TRPM3: variants seen among roughly 807,000 people sequenced by gnomAD.
The protein encoded by TRPM3 is long transient receptor potential channel 3.
Under a neutral mutation model 181.2 loss-of-function variants are expected in TRPM3, and 77 were observed. The ratio of observed to expected loss-of-function variants is 0.42; its 90% CI spans 0.35 to 0.51. The LOEUF is 0.51. Among genes scored for constraint, TRPM3 ranks in the 20% least tolerant of loss-of-function variants. The pLI is 0.01. For missense variants in TRPM3, 1,759 were observed against 2,196.7 expected (o/e 0.80, Z 3.98); for synonymous variants, 745 against 796.4 (o/e 0.94, Z 1.09).
intron 7 of TRPM3, chr9:70,774,653 C>G (rs1279247540): frequency 6.6e-6 from 1 of 152,128 alleles, no homozygotes; most frequent in Non-Finnish European, 1.5e-5. Context: ...GCTTAAACAA[C>G]TCCAAATTTT....
rs765604393 is a variant in TRPM3, at chr9:70,797,180, C to T, written c.974-12901G>A. 4.6e-5 allele frequency among the ~76,000 whole-genome samples: 7 copies of T among 152,124 alleles called. No homozygotes were observed. In the South Asian group the frequency reaches 6.2e-4, roughly 14 times the overall value. On this transcript the variant is annotated intron_variant, in intron 6 of 25. Coordinates refer to ENST00000677713, the MANE Select transcript of TRPM3 (RefSeq NM_001366145.2). ...TTAAATGACAACGTAATTATTTCCA[C>T]GTAAATTTTAAAATTATTTATGATA...
chr9:70,899,504 T>C (rs1344652743), intron 1 of TRPM3, among the ~76,000 whole-genome samples: 1 of 152,228 alleles, frequency 6.6e-6, no homozygotes, highest in South Asian at 2.1e-4. Flanking sequence ...CCAAACGTTG[T>C]GTCATAACGG....
chr9:71,368,769 G>A (rs755301771), intron 1 of TRPM3, among the ~76,000 whole-genome samples: 12 of 152,074 alleles, frequency 7.9e-5, no homozygotes, highest in Admixed American at 2.6e-4. Context: ...ATAACAAAAC[G>A]AAATCTTTTT....
intron 1 of TRPM3, among the ~76,000 whole-genome samples, chr9:71,382,644 T>A (rs530760270): frequency 1.5e-4 from 22 of 150,838 alleles, no homozygotes; most frequent in Non-Finnish European, 3.1e-4. Flanking sequence ...GGAATTTTTT[T>A]AAAAAAGAAG....
intron 1 of TRPM3, among the ~76,000 whole-genome samples, chr9:71,224,306 T>C (rs1367176051): frequency 2.6e-5 from 4 of 152,232 alleles, no homozygotes; most frequent in Non-Finnish European, 5.9e-5. Flanking sequence ...ACAGTATCTC[T>C]ACAAATCTGC....
chr9:71,375,895 A>G (rs999925997), intron 1 of TRPM3, among the ~76,000 whole-genome samples: 1 of 152,182 alleles, frequency 6.6e-6, no homozygotes, highest in Non-Finnish European at 1.5e-5. Context: ...TATTGCATAC[A>G]TAATACACTA....
chr9:70,900,335 T>C (rs957233342), intron 1 of TRPM3, among the ~76,000 whole-genome samples: 16 of 151,900 alleles, frequency 1.1e-4, no homozygotes, highest in Non-Finnish European at 2.9e-5. Flanking sequence ...AGTGAGACTC[T>C]GTCTCAAAAA....
chr9:70,799,162 C>G (rs529205806), intron 6 of TRPM3, among the ~76,000 whole-genome samples: 1 of 152,152 alleles, frequency 6.6e-6, no homozygotes, highest in South Asian at 2.1e-4. Flanking sequence ...TTTCCTCCAG[C>G]GGAAATGAAC....
chr9:71,065,276 A>T (rs906112323), intron 1 of TRPM3, among the ~76,000 whole-genome samples: 5 of 152,180 alleles, frequency 3.3e-5, no homozygotes, highest in Admixed American at 2.6e-4. Flanking sequence ...TTTCACGCTA[A>T]GTTATTAAAA....
intron 7 of TRPM3, among the ~76,000 whole-genome samples, chr9:70,762,122 A>G (rs2078256572): frequency 6.6e-6 from 1 of 152,166 alleles, no homozygotes. Flanking sequence ...GTACTGCAGG[A>G]GATTTAAATT....
chr9:71,334,936 A>G (rs1387094705), intron 1 of TRPM3, among the ~76,000 whole-genome samples: 1 of 152,122 alleles, frequency 6.6e-6, no homozygotes, highest in African/African-American at 2.4e-5. Flanking sequence ...ACATACCAAT[A>G]TTGAGCTCCA....
intron 1 of TRPM3, among the ~76,000 whole-genome samples, chr9:71,432,153 T>C (rs1044091525): frequency 2.0e-5 from 3 of 152,160 alleles, no homozygotes; most frequent in African/African-American, 7.2e-5. Flanking sequence ...TCCTGTGAAT[T>C]ACCTCACTGC....
intron 1 of TRPM3, among the ~76,000 whole-genome samples, chr9:71,355,740 G>A (rs1047000738): frequency 3.3e-5 from 5 of 152,110 alleles, no homozygotes; most frequent in Admixed American, 2.6e-4. Context: ...CTAACAACCC[G>A]CCATGGATGT....
rs58813456 is a variant in TRPM3 at position 70,563,807 on chromosome 9, G to T, written c.3224-10497C>A. The stretch of plus-strand genomic sequence containing the variant: ...CAGGAGAGAAGTATAGAGAAAAGCA[G>T]ATGAGTGTGGTCATGTCTTCTGATT... On this transcript the variant is annotated intron_variant, in intron 22 of 25. Transcript: ENST00000677713. Among the ~76,000 whole-genome samples, 658 of 152,294 alleles carry T rather than the reference G, an allele frequency of 4.3e-3. 4 individuals carry two copies. Among genetic ancestry groups the T allele is most frequent in the African/African-American group, 0.014 (570 of 41,570 alleles).
chr9:71,097,487 G>A (rs1266719045), intron 1 of TRPM3, among the ~76,000 whole-genome samples: 1 of 151,532 alleles, frequency 6.6e-6, no homozygotes, highest in African/African-American at 2.4e-5. Flanking sequence ...TTAGTTTAAA[G>A]GTTCTTCCAA....
At chr9:70,914,012 A>G (rs972051677) in intron 1 of TRPM3, among the ~76,000 whole-genome samples, 6 of 152,226 alleles carry the variant, frequency 3.9e-5, no homozygotes, top group Admixed American at 3.3e-4. Context: ...ACAGCCTTCA[A>G]TGACAGCCGA....
At chr9:70,666,128 C>G (rs909142234) in intron 9 of TRPM3, among the ~76,000 whole-genome samples, 1 of 152,218 alleles carries the variant, frequency 6.6e-6, no homozygotes, top group Admixed American at 6.5e-5. Flanking sequence ...TGTGACATCT[C>G]CTCTCATGCA....
chr9:71,119,782 A>G (rs2073215934), intron 1 of TRPM3, among the ~76,000 whole-genome samples: 1 of 152,130 alleles, frequency 6.6e-6, no homozygotes, highest in South Asian at 2.1e-4. Flanking sequence ...CCAATTTGTT[A>G]ATTCTCTGGC....
chr9:70,933,436 A>G (rs1564793566), intron 1 of TRPM3, among the ~76,000 whole-genome samples: 1 of 152,194 alleles, frequency 6.6e-6, no homozygotes, highest in East Asian at 1.9e-4. Context: ...AGAAAACCAG[A>G]TAAGTGTAGA....
Sources: allele counts gnomAD v4.1 joint callset (sites outside exome capture counted in the v4.1 genomes callset), GRCh38; gene constraint gnomAD v4.1.1; transcripts MANE v1.5; gene names NCBI Gene and HGNC (gene_info 2026-07-23, HGNC 2026-07-21).